The following STAB1 variants were observed in gnomAD, a reference collection of about 807,000 sequenced individuals.
The protein encoded by STAB1 is stabilin-1.
A neutral mutation model predicts 332.4 loss-of-function variants in STAB1; 250 were observed. That is an observed-to-expected ratio of 0.75 (90% CI 0.68 to 0.84). The LOEUF (loss-of-function observed/expected upper bound fraction) is 0.84, where lower values mean the gene tolerates loss of function less well. STAB1 is among the 40% of genes least tolerant of loss of function. The pLI is 0.00. For missense variants in STAB1, 3,249 were observed against 3,489.7 expected (o/e 0.93, Z 1.74); for synonymous variants, 1,475 against 1,390.4 (o/e 1.06, Z -1.35).
Position 52,505,695 on chromosome 3 carries a change from G to A in STAB1, c.1609G>A (p.Gly537Arg), listed in dbSNP as rs201042280. ...CTGTGGGCTGCCCTCCATCCTGGAC[G>A]GACCTGGGCCCTTCACAGTCTTTGC... is the stretch of plus-strand genomic sequence containing the variant. ...ENCGLPSILD[G>R]PGPFTVFAPS... Residue 537 changes from glycine to arginine, a missense_variant, in exon 15 of 69, where the codon GGA becomes AGA. Gly to Arg is a moderately radical substitution (Grantham distance 125). Transcript: ENST00000321725. The A allele has an allele frequency of 1.3e-4, 206 of 1,613,716 alleles. No homozygotes were observed. The highest frequency in any genetic ancestry group is 9.8e-4 in the Admixed American group (59 of 60,012).
intron 3 of STAB1, 40 bp downstream of exon 3, chr3:52,501,793 C>T: frequency 6.5e-7 from 1 of 1,534,258 alleles, no homozygotes; most frequent in East Asian, 2.4e-5. Context: ...GCCTCCCACC[C>T]AGCCCCAGCT....
At position 52,523,764 on chromosome 3, in the gene STAB1, G is replaced by A; in HGVS notation, c.7395+8G>A. 1 of 1,595,008 alleles carries A rather than the reference G, an allele frequency of 6.3e-7. No individual in the cohort carries two copies. Among genetic ancestry groups the A allele is most frequent in the South Asian group, 1.1e-5 (1 of 90,396 alleles). On this transcript the variant is annotated splice_region_variant and intron_variant, in intron 66 of 68. Transcript: ENST00000321725. ...CTGGCACCCCCACAGCCCGTGAGTTGAGGAAGGGGGAGGCAGAGCCCTTCC... is the reference window on the plus strand; with the variant it reads ...CTGGCACCCCCACAGCCCGTGAGTTAAGGAAGGGGGAGGCAGAGCCCTTCC...
intron 41 of STAB1, 84 bp downstream of exon 41, chr3:52,516,852 C>T: frequency 6.3e-7 from 1 of 1,596,524 alleles, no homozygotes; most frequent in Non-Finnish European, 8.5e-7. Flanking sequence ...CCTCTAGGCC[C>T]AGCCCCCCTC....
chr3:52,500,927 G>GT (rs1278213637), intron 1 of STAB1, among the ~76,000 whole-genome samples: 2 of 152,228 alleles, frequency 1.3e-5, no homozygotes, highest in East Asian at 3.8e-4. Flanking sequence ...TTAACAACTT[G>GT]TAACAGACAG....
rs559261433 is a variant in STAB1 at position 52,499,976 on chromosome 3, G to A, written c.79-1190G>A. Among the ~76,000 whole-genome samples the A allele has an allele frequency of 7.9e-5, 12 of 151,366 alleles. No individual in the cohort carries two copies. The East Asian group carries it at 1.9e-3, about 25-fold the overall frequency. The stretch of plus-strand genomic sequence containing the variant: ...TAGTCCCAGCTACTCGGGAGGCTGA[G>A]GCAGGAGGATCGCCTGAGCCCAGGA... On this transcript the variant is annotated intron_variant, in intron 1 of 68. Transcript: ENST00000321725.
At chr3:52,510,696 C>T (rs778582449) in intron 25 of STAB1, among the ~76,000 whole-genome samples, 189 bp downstream of exon 25, 63 of 152,212 alleles carry the variant, frequency 4.1e-4, no homozygotes, top group Non-Finnish European at 4.0e-4. Context: ...CATTGCTTTC[C>T]CAGGTGTTTT....
At chr3:52,516,827 G>A (rs1305223147) in intron 41 of STAB1, 59 bp downstream of exon 41, 3 of 1,593,508 alleles carry the variant, frequency 1.9e-6, no homozygotes, top group East Asian at 4.6e-5. Flanking sequence ...TGTCCCCACA[G>A]AGCCCCCTTC....
intron 42 of STAB1, 88 bp from the exon 43 acceptor site, chr3:52,517,232 G>C: frequency 6.7e-7 from 1 of 1,497,464 alleles, no homozygotes; most frequent in Non-Finnish European, 8.9e-7. Context: ...CGCTGAGAGA[G>C]GAGGGGGTGG....
intron 21 of STAB1, 89 bp from the exon 22 acceptor site, chr3:52,509,121 A>T: frequency 8.2e-7 from 1 of 1,213,434 alleles, no homozygotes; most frequent in Non-Finnish European, 1.2e-6. Context: ...AAGAGCTCAG[A>T]GCCAGCCCAT....
chr3:52,522,498 G>A (rs1302330401), intron 60 of STAB1, 24 bp downstream of exon 60: 1 of 1,613,044 alleles, frequency 6.2e-7, no homozygotes, highest in South Asian at 1.1e-5. Context: ...CCCACTCCCA[G>A]TACCCATTTC....
intron 21 of STAB1, 58 bp from the exon 22 acceptor site, chr3:52,509,152 G>C (rs1014577312): frequency 2.7e-6 from 4 of 1,479,920 alleles, no homozygotes; most frequent in Non-Finnish European, 2.8e-6. Context: ...GGTGTTGGGA[G>C]AGGGGATGTA....
chr3:52,520,383 A>G lies in STAB1; in HGVS notation c.5500-17A>G, dbSNP rs770506661. On this transcript the variant is annotated splice_polypyrimidine_tract_variant and intron_variant, in intron 52 of 68. Transcript: ENST00000321725. The stretch of plus-strand genomic sequence containing the variant: ...TGCACCTGCGACCCTTGCATACCTC[A>G]TATTCTCTCCTTGCAGGGTGAGCTC... The G allele has an allele frequency of 1.9e-6, 3 of 1,612,230 alleles. No homozygotes were observed. The Admixed American group carries it at 5.0e-5, about 27-fold the overall frequency.
chr3:52,501,749 C>T lies in STAB1; in HGVS notation c.327C>T (p.Cys109=). The change falls in exon 3 of 69, where the codon TGC becomes TGT. Residue 109 remains cysteine (C), a synonymous_variant. Coordinates refer to ENST00000321725, the MANE Select transcript of STAB1 (RefSeq NM_015136.3). ...GCCCTGGCTACTGGGGTTCCCGGTGCCATGGTATGGGAGAAAGGGGGACCC... is the reference window on the plus strand; with the variant it reads ...GCCCTGGCTACTGGGGTTCCCGGTGTCATGGTATGGGAGAAAGGGGGACCC... The part of the protein sequence containing the change: ...ACCPGYWGSR[C]HECPGGAETP... 1.3e-6 allele frequency: 2 copies of T among 1,559,494 alleles called. No homozygotes were observed. Among genetic ancestry groups the T allele is most frequent in the Non-Finnish European group, 1.7e-6 (2 of 1,152,440 alleles).
rs570932529 is a variant in STAB1 at position 52,523,833 on chromosome 3, G to C, written c.7396-38G>C. ...TGAGCCCGGGGAAGGTGGTGGGACA[G>C]CTCCCGCCAGGTCAACACTCTCCCT... is the stretch of plus-strand genomic sequence containing the variant. On this transcript the variant is annotated intron_variant, in intron 66 of 68. Coordinates refer to ENST00000321725, the MANE Select transcript of STAB1 (RefSeq NM_015136.3). 10 of 1,583,770 alleles carry C rather than the reference G, an allele frequency of 6.3e-6. No homozygotes were observed. The Admixed American group carries it at 1.4e-4, about 21-fold the overall frequency.
intron 36 of STAB1, 114 bp from the exon 37 acceptor site, chr3:52,515,309 C>T (rs2078823606): frequency 1.9e-6 from 2 of 1,061,232 alleles, no homozygotes; most frequent in Admixed American, 3.9e-5. Flanking sequence ...TCTGACCCTT[C>T]TGCTGTTCTG....
At position 52,504,821 on chromosome 3, in the gene STAB1, G is replaced by A. The variant is rs755085341; in HGVS notation, c.1322G>A (p.Arg441Gln). 7 of 1,613,860 alleles carry A rather than the reference G, an allele frequency of 4.3e-6. No homozygotes were observed. Among genetic ancestry groups the A allele is most frequent in the Non-Finnish European group, 5.9e-6 (7 of 1,180,024 alleles). ...GAGGACACAAGGACCCAACAAACAC[G>A]AAGGTGGTGGACGCTGGCCGGGCAG... ...ILEDTRTQQTRRWWTLAGQEI... is the reference protein window; with the variant it reads ...ILEDTRTQQTQRWWTLAGQEI... Residue 441 changes from arginine to glutamine, a missense_variant, in exon 12 of 69, where the codon CGA (arginine) becomes CAA (glutamine). By Grantham distance (43) the Arg-to-Gln change is conservative. Coordinates refer to ENST00000321725, the MANE Select transcript of STAB1 (RefSeq NM_015136.3).
Position 52,504,802 on chromosome 3 carries a change from A to C in STAB1, c.1303A>C (p.Thr435Pro), listed in dbSNP as rs766318970. The change falls in exon 12 of 69, where the codon ACA becomes CCA. Residue 435 changes from threonine to proline, a missense_variant. Thr to Pro is a conservative substitution (Grantham distance 38). Transcript: ENST00000321725. Reference protein sequence around the residue: ...IIAGQHILEDTRTQQTRRWWT... With the variant: ...IIAGQHILEDPRTQQTRRWWT... ...CGCAGGGCAGCACATCCTGGAGGAC[A>C]CAAGGACCCAACAAACACGAAGGTG... The C allele has an allele frequency of 6.2e-7, 1 of 1,613,908 alleles. No homozygotes were observed. Among genetic ancestry groups the C allele is most frequent in the Admixed American group, 1.7e-5 (1 of 60,028 alleles).
chr3:52,504,237 A>C (rs2153233080), intron 10 of STAB1, 82 bp downstream of exon 10: 3 of 1,524,234 alleles, frequency 2.0e-6, no homozygotes, highest in Middle Eastern at 1.9e-4. Context: ...GCCTCTGCAG[A>C]TTCCAGTTTC....
chr3:52,523,106 C>A lies in STAB1; in HGVS notation c.6992C>A (p.Ala2331Asp). Residue 2331 changes from alanine (A) to aspartate (D), a missense_variant, in exon 63 of 69, where the codon GCC (alanine) becomes GAC (aspartate). Physicochemically the swap from Ala to Asp is moderately radical, Grantham distance 126 (BLOSUM62 -2). Coordinates refer to ENST00000321725, the MANE Select transcript of STAB1 (RefSeq NM_015136.3). ...CNGKLLDVLA[A>D]TANFSTFYGM... ...GGGAAGCTGCTGGATGTGCTGGCTG[C>A]CACTGCCAACTTCTCCACCTTCTAT... 6.3e-7 allele frequency: 1 copy of A among 1,577,548 alleles called. No individual in the cohort carries two copies. The highest frequency in any genetic ancestry group is 8.6e-7 in the Non-Finnish European group (1 of 1,160,474).
Sources: allele counts gnomAD v4.1 joint callset (sites outside exome capture counted in the v4.1 genomes callset), GRCh38; gene constraint gnomAD v4.1.1; transcripts MANE v1.5; gene names NCBI Gene and HGNC (gene_info 2026-07-23, HGNC 2026-07-21).